TRAF7: variants seen among roughly 807,000 people sequenced by gnomAD.
TRAF7 encodes E3 ubiquitin-protein ligase TRAF7.
Under a neutral mutation model 89.3 loss-of-function variants are expected in TRAF7, and 45 were observed. The observed-to-expected ratio is 0.50, with a 90% CI of 0.40 to 0.65. The LOEUF is 0.65. Among genes scored for constraint, TRAF7 ranks in the 30% least tolerant of loss-of-function variants. The pLI is 0.00. For missense variants in TRAF7, 677 were observed against 918.1 expected (o/e 0.74, Z 3.39); for synonymous variants, 406 against 369.2 (o/e 1.10, Z -1.14).
rs1010296940 is a variant in TRAF7 at position 2,159,831 on chromosome 16, G to C, written c.-39+3973G>C. On this transcript the variant is annotated intron_variant, in intron 1 of 20. Coordinates refer to ENST00000326181, the MANE Select transcript of TRAF7 (RefSeq NM_032271.3). This position sits in a 1 kb window ranked among gnomAD's most constrained non-coding sequence, Gnocchi z 6.5. ...GCTGGAGGAGCTGCTTTAAGGCCGG[G>C]CCTGGCCCGAGCAGGGAGCTGCATC... is the stretch of plus-strand genomic sequence containing the variant. Among the ~76,000 whole-genome samples, 10 of 152,238 alleles carry C rather than the reference G, an allele frequency of 6.6e-5. No homozygotes were observed. Among genetic ancestry groups the C allele is most frequent in the African/African-American group, 2.4e-4 (10 of 41,472 alleles).
At chr16:2,160,582 CG>C (rs2093054540) in intron 1 of TRAF7, among the ~76,000 whole-genome samples, 2 of 64,648 alleles carry the variant, frequency 3.1e-5, no homozygotes, top group South Asian at 1.1e-3. Context: ...GGGCGGTGCT[CG>C]GGCAGGCGTG....
chr16:2,175,878 G>A lies in TRAF7; in HGVS notation c.1671G>A (p.Thr557=), dbSNP rs771824713. Residue 557 remains threonine, a synonymous_variant, in exon 18 of 21, where the codon ACG becomes ACA. Transcript: ENST00000326181. Reference sequence around the variant, plus strand: ...TTGACTGCATCCACGTCCTGCAGACGTCTGGTGGCAGCGTCTACTCCATTG... The same window carrying A: ...TTGACTGCATCCACGTCCTGCAGACATCTGGTGGCAGCGTCTACTCCATTG... The part of the protein sequence containing the change: ...RTLDCIHVLQ[T]SGGSVYSIAV... 21 of 1,613,474 alleles carry A rather than the reference G, an allele frequency of 1.3e-5. No homozygotes were observed. In the Admixed American group the frequency reaches 1.3e-4, roughly 10 times the overall value.
At chr16:2,167,530 C>T (rs1437590420) in intron 3 of TRAF7, among the ~76,000 whole-genome samples, 1 of 152,206 alleles carries the variant, frequency 6.6e-6, no homozygotes, top group Admixed American at 6.5e-5. Flanking sequence ...AAGCTGGGGC[C>T]ACTTCCTGGT....
chr16:2,166,248 AC>A (rs1417318550), intron 3 of TRAF7, among the ~76,000 whole-genome samples: 1 of 152,126 alleles, frequency 6.6e-6, no homozygotes, highest in Non-Finnish European at 1.5e-5. Flanking sequence ...GTCCCTTGTC[AC>A]AGTGATCCCC....
chr16:2,171,190 CGCCTGGGT>C (rs1343203345), intron 5 of TRAF7, 66 bp from the exon 6 acceptor site: 4 of 1,261,064 alleles, frequency 3.2e-6, no homozygotes, highest in South Asian at 1.3e-5. Flanking sequence ...GGAGCAAGAG[CGCCTGGGT>C]GCCTGGGTGG....
At chr16:2,172,133 C>T (rs529001363) in intron 7 of TRAF7, 58 bp from the exon 8 acceptor site, 17 of 1,601,588 alleles carry the variant, frequency 1.1e-5, no homozygotes, top group African/African-American at 8.0e-5. Context: ...CATGCCCACC[C>T]GGGTGAGGGA....
Position 2,163,422 on chromosome 16 carries a change from G to A in TRAF7, c.-38-461G>A, listed in dbSNP as rs2093065449. ...CTGGGTCCTGACCGCACCTGTCGTG[G>A]CAGGAAACACATTCGTCGTGCCTTG... On this transcript the variant is annotated intron_variant, in intron 1 of 20. Transcript: ENST00000326181. This position sits in a 1 kb window ranked among gnomAD's most constrained non-coding sequence, Gnocchi z 4.3. 5.6e-6 allele frequency: 1 copy of A among 178,896 alleles called. No individual in the cohort carries two copies. The allele number at this position is 178,896 out of a possible 1,614,324, so 11.1% of individuals were successfully genotyped here.
At chr16:2,174,471 C>T in intron 14 of TRAF7, 138 bp downstream of exon 14, 1 of 754,358 alleles carries the variant, frequency 1.3e-6, no homozygotes, top group African/African-American at 1.7e-5. Context: ...CCACCCGGAG[C>T]AGCACTGTTT....
rs2093056709 is a variant in TRAF7 at position 2,161,131 on chromosome 16, C to T, written c.-38-2752C>T. ...CCTGGCTGGGGCTGAACACTGAACC[C>T]GAGTGAACTGGGAAGCAGCCTCCTG... On this transcript the variant is annotated intron_variant, in intron 1 of 20. Transcript: ENST00000326181. This position sits in a 1 kb window ranked among gnomAD's most constrained non-coding sequence, Gnocchi z 5.2. Among the ~76,000 whole-genome samples, 1 of 152,032 alleles carries T rather than the reference C, an allele frequency of 6.6e-6. No homozygotes were observed. The highest frequency in any genetic ancestry group is 2.4e-5 in the African/African-American group (1 of 41,414).
rs748708346 is a variant in TRAF7 at position 2,168,099 on chromosome 16, G to C, written c.162G>C (p.Lys54Asn). 6.2e-7 allele frequency: 1 copy of C among 1,611,998 alleles called. No individual in the cohort carries two copies. Among genetic ancestry groups the C allele is most frequent in the Admixed American group, 1.7e-5 (1 of 60,000 alleles). Residue 54 changes from lysine to asparagine, a missense_variant, in exon 4 of 21, where the codon AAG becomes AAC. Lys to Asn is a moderately conservative substitution (Grantham distance 94). Transcript: ENST00000326181. The surrounding 1 kb of genome is among the most constrained non-coding windows in gnomAD (Gnocchi z 4.1). Reference sequence around the variant, plus strand: ...CAGCTGACGGGACCAGCACCTACAAGCAGCACTGCAGGACACCCTCCTCCT... The same window carrying C: ...CAGCTGACGGGACCAGCACCTACAACCAGCACTGCAGGACACCCTCCTCCT... ...ITKADGTSTY[K>N]QHCRTPSSSS...
At chr16:2,166,077 C>A in intron 3 of TRAF7, 141 bp downstream of exon 3, 1 of 983,470 alleles carries the variant, frequency 1.0e-6, no homozygotes, top group Non-Finnish European at 1.5e-6. Context: ...ACACCGCAGC[C>A]TGTGTCCTCA....
Position 2,159,931 on chromosome 16 carries a change from C to T in TRAF7, c.-38-3952C>T, listed in dbSNP as rs963928380. ...AGTGGGCGGGGACCCCTGACCCAGA[C>T]CCCCTCCAGGTGTGTCTCCAGGGAA... On this transcript the variant is annotated intron_variant, in intron 1 of 20. Transcript: ENST00000326181. This position sits in a 1 kb window ranked among gnomAD's most constrained non-coding sequence, Gnocchi z 6.5. Among the ~76,000 whole-genome samples the T allele has an allele frequency of 6.6e-6, 1 of 152,226 alleles. No individual in the cohort carries two copies. Among genetic ancestry groups the T allele is most frequent in the Non-Finnish European group, 1.5e-5 (1 of 68,016 alleles).
At position 2,168,254 on chromosome 16, in the gene TRAF7, A is replaced by G; in HGVS notation, c.231+86A>G. The G allele has an allele frequency of 8.5e-7, 1 of 1,179,562 alleles. No individual in the cohort carries two copies. Among genetic ancestry groups the G allele is most frequent in the South Asian group, 1.4e-5 (1 of 73,458 alleles). The allele number at this position is 1,179,562 out of a possible 1,614,324, so 73.1% of individuals were successfully genotyped here. A position where few individuals can be genotyped will look rare whatever the true frequency, so the allele number is the denominator to read the frequency against. ...GGGAACCAGGTCCCAGGAGGAGTTGACAGTGAGCTGGTGAGGCACAGGAGA... is the reference window on the plus strand; with the variant it reads ...GGGAACCAGGTCCCAGGAGGAGTTGGCAGTGAGCTGGTGAGGCACAGGAGA... On this transcript the variant is annotated intron_variant, in intron 4 of 20. Transcript: ENST00000326181. This position sits in a 1 kb window ranked among gnomAD's most constrained non-coding sequence, Gnocchi z 4.1.
rs1567255511 is a variant in TRAF7 at position 2,177,708 on chromosome 16, CCACGCTGA to C, written c.*1138_*1145del. 3 of 240,880 alleles carry C rather than the reference CCACGCTGA, an allele frequency of 1.2e-5. No individual in the cohort carries two copies. The highest frequency in any genetic ancestry group is 2.5e-5 in the Non-Finnish European group (3 of 122,200). 14.9% of individuals were successfully genotyped at this position (240,880 alleles called of 1,614,324 possible). ...TACATGCCCTGCTTCCACGTGGCTG[CCACGCTGA>C]CACACCCACATTCACCAAACCCACC... On this transcript the variant is annotated 3_prime_UTR_variant, in exon 21 of 21. Transcript: ENST00000326181.
At chr16:2,164,157 TGTGCGCGCGC>T (rs1338604877) in intron 2 of TRAF7, among the ~76,000 whole-genome samples, 156 bp downstream of exon 2, 1,531 of 126,510 alleles carry the variant, frequency 0.012, 27 homozygotes, top group African/African-American at 0.039. Flanking sequence ...TGTGTGTGTG[TGTGCGCGCGC>T]GCGCGCGCGC....
In TRAF7 at chr16:2,161,524, G is replaced by A. The variant is rs920475228; in HGVS notation, c.-38-2359G>A. On this transcript the variant is annotated intron_variant, in intron 1 of 20. Coordinates refer to ENST00000326181, the MANE Select transcript of TRAF7 (RefSeq NM_032271.3). The surrounding 1 kb of genome is among the most constrained non-coding windows in gnomAD (Gnocchi z 5.2). The stretch of plus-strand genomic sequence containing the variant: ...GGGTCCTGGCCACCTGGGCCCCCGG[G>A]CAGGCATCACTGGCAGGGCTTGCAG... Among the ~76,000 whole-genome samples, 1 of 152,168 alleles carries A rather than the reference G, an allele frequency of 6.6e-6. No individual in the cohort carries two copies. The highest frequency in any genetic ancestry group is 2.4e-5 in the African/African-American group (1 of 41,432).
At chr16:2,166,154 A>G (rs964870599) in intron 3 of TRAF7, among the ~76,000 whole-genome samples, 2 of 152,144 alleles carry the variant, frequency 1.3e-5, no homozygotes, top group Non-Finnish European at 2.9e-5. Flanking sequence ...TGCCTCGGTG[A>G]CTGTGCTGTG....
At position 2,158,774 on chromosome 16, in the gene TRAF7, G is replaced by C. The variant is rs577704026; in HGVS notation, c.-39+2916G>C. Among the ~76,000 whole-genome samples, 15 of 151,228 alleles carry C rather than the reference G, an allele frequency of 9.9e-5. No individual in the cohort carries two copies. Among genetic ancestry groups the C allele is most frequent in the East Asian group, 3.9e-4 (2 of 5,124 alleles). ...CTGGGAAGCGTGGGCTCGGCGGGGG[G>C]GGGGGGGACACTGCCACCCTTGGCT... On this transcript the variant is annotated intron_variant, in intron 1 of 20. Transcript: ENST00000326181. This position sits in a 1 kb window ranked among gnomAD's most constrained non-coding sequence, Gnocchi z 4.7.
Position 2,177,807 on chromosome 16 carries a change from G to C in TRAF7, c.*1233G>C, listed in dbSNP as rs1333194293. The C allele has an allele frequency of 4.1e-6, 1 of 245,702 alleles. No individual in the cohort carries two copies. The highest frequency in any genetic ancestry group is 8.0e-6 in the Non-Finnish European group (1 of 124,684). The allele number at this position is 245,702 out of a possible 1,614,324, so 15.2% of individuals were successfully genotyped here. Reference sequence around the variant, plus strand: ...CGCCGAGAGCAAGGCACAACCTCGAGTTCTTGGGGCGCAGAGAACTTAGGA... The same window carrying C: ...CGCCGAGAGCAAGGCACAACCTCGACTTCTTGGGGCGCAGAGAACTTAGGA... On this transcript the variant is annotated 3_prime_UTR_variant, in exon 21 of 21. Transcript: ENST00000326181.
Sources: gnomAD v4.1 joint callset for allele counts (sites outside exome capture counted in the v4.1 genomes callset) on GRCh38, gnomAD v4.1.1 for gene constraint, Gnocchi (gnomAD v3.1) non-coding constraint, MANE v1.5 for transcripts, NCBI Gene and HGNC (gene_info 2026-07-23, HGNC 2026-07-21) for gene names.